Variants in ABCB9 observed in about 807,000 individuals in gnomAD.
ABCB9 encodes ABC-type oligopeptide transporter ABCB9.
A neutral mutation model predicts 62.0 loss-of-function variants in ABCB9; 36 were observed. The observed-to-expected ratio is 0.58, with a 90% CI of 0.45 to 0.77. The LOEUF (loss-of-function observed/expected upper bound fraction) is 0.77. ABCB9 is among the 30% of genes least tolerant of loss of function. The pLI is 0.00. For synonymous variants in ABCB9, 435 were observed against 461.4 expected (o/e 0.94, Z 0.73); for missense variants, 943 against 1,054.7 (o/e 0.89, Z 1.47).
At chr12:122,926,944 G>C (rs2034923508), downstream of ABCB9, among the ~76,000 whole-genome samples, 1 of 152,110 alleles carries the variant, frequency 6.6e-6, no homozygotes. Flanking sequence ...TATCTTAAAT[G>C]TAATGTGGGA....
At chr12:122,973,898 A>G (rs369967450) in intron 1 of ABCB9, among the ~76,000 whole-genome samples, 1 of 152,074 alleles carries the variant, frequency 6.6e-6, no homozygotes, top group Non-Finnish European at 1.5e-5. Context: ...CAAAAAAATT[A>G]GCTGGGCGTG....
downstream of ABCB9, among the ~76,000 whole-genome samples, chr12:122,927,465 T>G (rs1340592144): frequency 1.3e-5 from 2 of 152,248 alleles, no homozygotes; most frequent in Non-Finnish European, 2.9e-5. Context: ...CCACTGCATC[T>G]GGCCTAAACA....
At chr12:122,921,722 A>G (rs2034752130) in intron 11 of ABCB9, among the ~76,000 whole-genome samples, 1 of 152,200 alleles carries the variant, frequency 6.6e-6, no homozygotes, top group Non-Finnish European at 1.5e-5. Flanking sequence ...GTTTGCAGTG[A>G]GCGGAGATCG....
At position 122,935,378 on chromosome 12, in the gene ABCB9, G is replaced by C. The variant is rs754640896; in HGVS notation, c.1797C>G (p.Asn599Lys). The C allele has an allele frequency of 1.2e-6, 2 of 1,614,100 alleles. No homozygotes were observed. Reference protein sequence around the residue: ...PVLFARSITDNISYGLPTVPF... With the variant: ...PVLFARSITDKISYGLPTVPF... ...GCACAGTGGGCAGGCCGTAGGAGATGTTATCCGTGATGGAGCGGGCGAACA... is the reference window on the plus strand; with the variant it reads ...GCACAGTGGGCAGGCCGTAGGAGATCTTATCCGTGATGGAGCGGGCGAACA... The change falls in exon 10 of 12, where the codon AAC becomes AAG. Residue 599 changes from asparagine to lysine, a missense_variant. By Grantham distance (94) the Asn-to-Lys change is moderately conservative. Coordinates refer to ENST00000280560, the MANE Select transcript of ABCB9 (RefSeq NM_019625.4).
chr12:122,927,676 G>A (rs1041450015), downstream of ABCB9, among the ~76,000 whole-genome samples: 1 of 152,178 alleles, frequency 6.6e-6, no homozygotes, highest in Admixed American at 6.6e-5. Flanking sequence ...GATGGGAGAG[G>A]AGCTTAGACT....
At chr12:122,941,629 G>A (rs1365919461) in intron 7 of ABCB9, among the ~76,000 whole-genome samples, 1 of 151,794 alleles carries the variant, frequency 6.6e-6, no homozygotes, top group Non-Finnish European at 1.5e-5. Flanking sequence ...TTTCAAAATG[G>A]GTCTTAATGT....
chr12:122,967,743 C>T (rs1033438606), upstream of ABCB9, among the ~76,000 whole-genome samples: 5 of 152,198 alleles, frequency 3.3e-5, no homozygotes, highest in Non-Finnish European at 7.3e-5. Flanking sequence ...CCCTCCTTGG[C>T]CTTCCAAACT....
rs544215247 is a variant in ABCB9 at position 122,973,720 on chromosome 12, G to C, written c.-88+995C>G. ...ACTAAAAACATAAAAAATTAGCCGG[G>C]TGTGGTGGCGGGCGCCTGTAGTCCC... On this transcript the variant is annotated intron_variant, in intron 1 of 11. Coordinates refer to the ABCB9 transcript ENST00000392439. Among the ~76,000 whole-genome samples, 78 of 151,782 alleles carry C rather than the reference G, an allele frequency of 5.1e-4. 2 individuals are homozygous for C. The South Asian group carries it at 0.015, about 29-fold the overall frequency.
At position 122,935,309 on chromosome 12, in the gene ABCB9, G is replaced by A. The variant is rs770865113; in HGVS notation, c.1866C>T (p.His622=). The change falls in exon 10 of 12, where the codon CAC becomes CAT. Residue 622 remains histidine (H), a synonymous_variant. Transcript: ENST00000280560. ...CGTCCTGGAGTTCCATGATGAAGCCGTGGGCATTGGCCTTCTGTGCGGCCT... is the reference window on the plus strand; with the variant it reads ...CGTCCTGGAGTTCCATGATGAAGCCATGGGCATTGGCCTTCTGTGCGGCCT... ...VVEAAQKANA[H]GFIMELQDGY... 4.0e-5 allele frequency: 65 copies of A among 1,613,156 alleles called. No individual in the cohort carries two copies. The highest frequency in any genetic ancestry group is 4.0e-4 in the African/African-American group (30 of 74,906).
At position 122,940,430 on chromosome 12, in the gene ABCB9, T is replaced by G; in HGVS notation, c.1570-146A>C. ...GGGCACTGCTGGCCCCTAAACGTTC[T>G]TTCTAAGACACTAGGACTTGGAAGC... On this transcript the variant is annotated intron_variant, in intron 8 of 11. Coordinates refer to ENST00000280560, the MANE Select transcript of ABCB9 (RefSeq NM_019625.4). This position sits in a 1 kb window ranked among gnomAD's most constrained non-coding sequence, Gnocchi z 4.8. The G allele has an allele frequency of 1.1e-6, 1 of 949,872 alleles. No individual in the cohort carries two copies. Among genetic ancestry groups the G allele is most frequent in the South Asian group, 1.8e-5 (1 of 54,406 alleles). 58.8% of individuals were successfully genotyped at this position (949,872 alleles called of 1,614,324 possible). A position where few individuals can be genotyped will look rare whatever the true frequency, so the allele number is the denominator to read the frequency against.
upstream of ABCB9, among the ~76,000 whole-genome samples, chr12:122,968,405 C>T (rs1275526660): frequency 6.6e-6 from 1 of 152,106 alleles, no homozygotes; most frequent in Non-Finnish European, 1.5e-5. Context: ...GAGGGCAGCC[C>T]CTGGCATGTG....
Position 122,940,286 on chromosome 12 carries a change from T to G in ABCB9, c.1570-2A>C. The G allele has an allele frequency of 6.3e-7, 1 of 1,587,210 alleles. No individual in the cohort carries two copies. The highest frequency in any genetic ancestry group is 8.6e-7 in the Non-Finnish European group (1 of 1,165,410). ...GGGGGACAGGCTGAAGGAGACATTC[T>G]GCAAAGAACACACAGGCACAGTGCG... On this transcript the variant is annotated splice_acceptor_variant, in intron 8 of 11. Transcript: ENST00000280560. LOFTEE classifies it high-confidence loss of function. The surrounding 1 kb of genome is among the most constrained non-coding windows in gnomAD (Gnocchi z 4.8).
At chr12:122,950,408 G>T in intron 3 of ABCB9, 43 bp downstream of exon 3, 1 of 1,552,306 alleles carries the variant, frequency 6.4e-7, no homozygotes. Flanking sequence ...CCCTGGTGCA[G>T]GTCGGGGTGT....
chr12:122,943,100 C>T (rs1201505865), intron 7 of ABCB9, among the ~76,000 whole-genome samples: 1 of 152,164 alleles, frequency 6.6e-6, no homozygotes, highest in African/African-American at 2.4e-5. Flanking sequence ...TTAACACCCT[C>T]ACTCCAGGCT....
intron 1 of ABCB9, among the ~76,000 whole-genome samples, chr12:122,963,723 G>A (rs1297139394): frequency 6.6e-6 from 1 of 152,066 alleles, no homozygotes; most frequent in Non-Finnish European, 1.5e-5. Flanking sequence ...ATGGAGTGGG[G>A]GGATATAACA....
In ABCB9 at chr12:122,960,125, G is replaced by A; in HGVS notation, c.111C>T (p.Asp37=). Residue 37 remains aspartate (D), a synonymous_variant, in exon 2 of 12, where the codon GAC becomes GAT. Coordinates refer to ENST00000280560, the MANE Select transcript of ABCB9 (RefSeq NM_019625.4). ...FSHLDRSLLE[D]IRHFNIFDSV... ...AGTCAAAGATGTTGAAGTGGCGGAT[G>A]TCCTCCAGGAGGCTGCGGTCCAGGT... is the stretch of plus-strand genomic sequence containing the variant. 6.2e-7 allele frequency: 1 copy of A among 1,613,742 alleles called. No individual in the cohort carries two copies. Among genetic ancestry groups the A allele is most frequent in the Non-Finnish European group, 8.5e-7 (1 of 1,180,046 alleles).
upstream of ABCB9, among the ~76,000 whole-genome samples, chr12:122,970,607 T>C (rs1442169387): frequency 1.3e-5 from 2 of 152,220 alleles, no homozygotes; most frequent in East Asian, 1.9e-4. Flanking sequence ...TTTGAGATGA[T>C]ATATATGCTC....
intron 3 of ABCB9, among the ~76,000 whole-genome samples, 172 bp from the exon 4 acceptor site, chr12:122,950,090 G>A (rs563135267): frequency 6.6e-6 from 1 of 152,264 alleles, no homozygotes; most frequent in African/African-American, 2.4e-5. Context: ...TCAAGGTGAG[G>A]GCAAAGGGGA....
chr12:122,954,709 T>C (rs755701154), intron 2 of ABCB9, among the ~76,000 whole-genome samples: 3 of 152,176 alleles, frequency 2.0e-5, no homozygotes, highest in Non-Finnish European at 4.4e-5. Flanking sequence ...GCCAAGCTAG[T>C]CTTGAACTCC....
Sources: allele counts gnomAD v4.1 joint callset (sites outside exome capture counted in the v4.1 genomes callset), GRCh38; gene constraint gnomAD v4.1.1; non-coding constraint Gnocchi (gnomAD v3.1); transcripts MANE v1.5; gene names NCBI Gene and HGNC (gene_info 2026-07-23, HGNC 2026-07-21).